Variants in RXRA observed in about 807,000 individuals in gnomAD.
RXRA encodes retinoid X receptor alpha, also known as retinoic acid receptor RXR-alpha.
In RXRA, 5 loss-of-function variants were observed where a neutral mutation model predicts 44.5. The ratio of observed to expected loss-of-function variants is 0.11; its 90% CI spans 0.06 to 0.24. The LOEUF (loss-of-function observed/expected upper bound fraction) is 0.24. Ranked by LOEUF, RXRA falls within the 10% of genes least tolerant of loss-of-function variation. The pLI is 1.00. For missense variants in RXRA, 412 were observed against 646.5 expected, an observed-to-expected ratio of 0.64 and a Z score of 3.93; for synonymous variants, 291 against 271.4, an observed-to-expected ratio of 1.07 and a Z score of -0.71.
chr9:134,341,162 T>G (rs62576311), intron 1 of RXRA, among the ~76,000 whole-genome samples: 10,381 of 152,296 alleles, frequency 0.068, 486 homozygotes, highest in Middle Eastern at 0.13. Flanking sequence ...TGGTGGTACC[T>G]GGAGTGTGTG....
At chr9:134,401,464 G>A (rs1034575515) in intron 1 of RXRA, 168 bp from the exon 2 acceptor site, 142 of 1,030,256 alleles carry the variant, frequency 1.4e-4, no homozygotes, top group Non-Finnish European at 1.8e-4. Context: ...CACCTGGCCC[G>A]TAGTGAGTGT....
chr9:134,368,758 G>C (rs1830446968), intron 1 of RXRA, among the ~76,000 whole-genome samples: 1 of 122,398 alleles, frequency 8.2e-6, no homozygotes, highest in African/African-American at 4.7e-5. Flanking sequence ...GTGTGGATGT[G>C]TGTGTGACTG....
At chr9:134,351,000 T>G (rs1424284211) in intron 1 of RXRA, among the ~76,000 whole-genome samples, 3 of 152,252 alleles carry the variant, frequency 2.0e-5, no homozygotes, top group Non-Finnish European at 4.4e-5. Context: ...ATCCCTCACC[T>G]GCCTAAGTGT....
At position 134,424,342 on chromosome 9, in the gene RXRA, C is replaced by T. The variant is rs34108627; in HGVS notation, c.910+2537C>T. The T allele has an allele frequency of 1.0e-5, 10 of 985,356 alleles. No individual in the cohort carries two copies. In the Admixed American group the frequency reaches 1.8e-4, roughly 18 times the overall value. The allele number at this position is 985,356 out of a possible 1,614,324, so 61.0% of individuals were successfully genotyped here. The stretch of plus-strand genomic sequence containing the variant: ...GAGGGTGGCCTCTGCTCCTGCCCAG[C>T]GGCTCTTTCCGGGAGATCTCTGCGG... On this transcript the variant is annotated intron_variant, in intron 6 of 9. Transcript: ENST00000481739.
intron 1 of RXRA, among the ~76,000 whole-genome samples, chr9:134,327,344 T>G (rs956936984): frequency 4.6e-5 from 7 of 151,564 alleles, no homozygotes; most frequent in African/African-American, 1.7e-4. Context: ...GCGCGTAGGG[T>G]CAGTTTCCCT....
intron 4 of RXRA, among the ~76,000 whole-genome samples, chr9:134,413,683 G>A (rs1350466430): frequency 5.3e-5 from 8 of 152,216 alleles, no homozygotes; most frequent in Non-Finnish European, 1.0e-4. Flanking sequence ...GCTCCGACAT[G>A]CCTGCCTCGG....
In RXRA at chr9:134,413,301, GGT is replaced by G. The variant is rs1490033528; in HGVS notation, c.611-3847_611-3846del. 2.6e-5 allele frequency among the ~76,000 whole-genome samples: 4 copies of G among 151,798 alleles called. No individual in the cohort carries two copies. In the South Asian group the frequency reaches 6.3e-4, roughly 24 times the overall value. On this transcript the variant is annotated intron_variant, in intron 4 of 9. Coordinates refer to ENST00000481739, the MANE Select transcript of RXRA (RefSeq NM_002957.6). ...CTGTGTGGTGTATGGGTGTGCGTGT[GGT>G]GTGTGTGTGATATGTCTGTGGTGTG...
chr9:134,367,816 G>A (rs1318830590), intron 1 of RXRA, among the ~76,000 whole-genome samples: 1 of 152,172 alleles, frequency 6.6e-6, no homozygotes, highest in Non-Finnish European at 1.5e-5. Flanking sequence ...ACACCTGAGG[G>A]CCTGCCCAGC....
intron 6 of RXRA, chr9:134,422,121 G>T: frequency 1.5e-6 from 2 of 1,320,574 alleles, no homozygotes; most frequent in Non-Finnish European, 2.0e-6. Flanking sequence ...TCTACCTCCC[G>T]GGACACTCCC....
intron 6 of RXRA, chr9:134,424,860 C>T (rs1438242261): frequency 2.0e-6 from 2 of 985,446 alleles, no homozygotes; most frequent in East Asian, 1.1e-4. Flanking sequence ...GCTGGGTTTT[C>T]TTCTGGCAGG....
Position 134,342,009 on chromosome 9 carries a change from G to C in RXRA, c.28+15350G>C, listed in dbSNP as rs548904255. On this transcript the variant is annotated intron_variant, in intron 1 of 9. Coordinates refer to ENST00000481739, the MANE Select transcript of RXRA (RefSeq NM_002957.6). This position sits in a 1 kb window ranked among gnomAD's most constrained non-coding sequence, Gnocchi z 4.4. ...TCTGTGAAGCCCAACCCTGGGGGTA[G>C]GGGCTGTCAGAGCATCCGGCTAGCT... Among the ~76,000 whole-genome samples the C allele has an allele frequency of 3.3e-5, 5 of 152,322 alleles. No individual in the cohort carries two copies. The South Asian group carries it at 1.0e-3, about 32-fold the overall frequency.
intron 9 of RXRA, among the ~76,000 whole-genome samples, chr9:134,435,810 G>A (rs1436260951): frequency 6.6e-6 from 1 of 152,148 alleles, no homozygotes; most frequent in Non-Finnish European, 1.5e-5. Context: ...TGCTGTGATG[G>A]CTGCTGCAGC....
chr9:134,394,134 A>T (rs1167814569), intron 1 of RXRA, among the ~76,000 whole-genome samples: 1 of 142,900 alleles, frequency 7.0e-6, no homozygotes, highest in East Asian at 2.2e-4. Flanking sequence ...TGATGATGTA[A>T]TGATGGTGTT....
intron 4 of RXRA, among the ~76,000 whole-genome samples, chr9:134,410,143 C>A: frequency 6.6e-6 from 1 of 152,244 alleles, no homozygotes; most frequent in East Asian, 1.9e-4. Context: ...GAGCCTCTGC[C>A]AGGCGCCGTG....
At chr9:134,352,355 G>A (rs900509606) in intron 1 of RXRA, among the ~76,000 whole-genome samples, 1 of 152,058 alleles carries the variant, frequency 6.6e-6, no homozygotes, top group African/African-American at 2.4e-5. Context: ...GGGCTGCCTC[G>A]GGGACCCTGG....
At chr9:134,330,443 G>A (rs1041644591) in intron 1 of RXRA, among the ~76,000 whole-genome samples, 3 of 152,214 alleles carry the variant, frequency 2.0e-5, no homozygotes, top group South Asian at 2.1e-4. Context: ...GGGGGCTGGT[G>A]TCCATTTGGG....
intron 6 of RXRA, chr9:134,424,993 C>T (rs1025421312): frequency 2.0e-6 from 2 of 985,352 alleles, no homozygotes; most frequent in African/African-American, 1.7e-5. Context: ...GGGGAGGTCA[C>T]TTCCGCTGGG....
At chr9:134,419,078 A>G (rs1026495192) in intron 5 of RXRA, among the ~76,000 whole-genome samples, 13 of 152,130 alleles carry the variant, frequency 8.5e-5, no homozygotes, top group African/African-American at 3.1e-4. Flanking sequence ...TGGGACCCCG[A>G]CAGCAGGCAC....
At position 134,425,972 on chromosome 9, in the gene RXRA, C is replaced by T. The variant is rs1831428458; in HGVS notation, c.911-3136C>T. The T allele has an allele frequency of 3.0e-6, 3 of 985,292 alleles. No homozygotes were observed. In the South Asian group the frequency reaches 1.4e-4, roughly 46 times the overall value. The allele number at this position is 985,292 out of a possible 1,614,324, so 61.0% of individuals were successfully genotyped here. ...TTGGAGCCCGAGGCCCCAGCTTCCC[C>T]ACCTGACCCTTGACTCTGTGCTGTT... On this transcript the variant is annotated intron_variant, in intron 6 of 9. Transcript: ENST00000481739.
Sources: allele counts gnomAD v4.1 joint callset (sites outside exome capture counted in the v4.1 genomes callset), GRCh38; gene constraint gnomAD v4.1.1; non-coding constraint Gnocchi (gnomAD v3.1); transcripts MANE v1.5; gene names NCBI Gene and HGNC (gene_info 2026-07-23, HGNC 2026-07-21).